Variants in OR1F1 observed in about 807,000 individuals in gnomAD.
OR1F1 encodes olfactory receptor family 1 subfamily F member 1.
For missense variants in OR1F1, 493 were observed against 376.3 expected (o/e 1.31, Z -2.57); for synonymous variants, 184 against 156.7 (o/e 1.17, Z -1.30).
chr16:3,193,161 A>C, the OR1F1 span, among the ~76,000 whole-genome samples: 15 of 152,142 alleles, frequency 9.9e-5, no homozygotes, highest in Admixed American at 9.8e-4. Flanking sequence ...TCCTGACCTC[A>C]AGTGATCCAC....
the OR1F1 span, among the ~76,000 whole-genome samples, chr16:3,197,555 A>G: frequency 8.1e-4 from 87 of 106,862 alleles, 1 homozygote; most frequent in Admixed American, 3.6e-3. Flanking sequence ...GCGCAGTCCT[A>G]CATCTGACTA....
the OR1F1 span, among the ~76,000 whole-genome samples, chr16:3,190,693 G>C: frequency 6.7e-6 from 1 of 148,666 alleles, no homozygotes; most frequent in Non-Finnish European, 1.5e-5. Flanking sequence ...GGGGGTTGCA[G>C]TGAGCTGAAA....
the OR1F1 span, among the ~76,000 whole-genome samples, chr16:3,194,915 C>G: frequency 6.6e-6 from 1 of 152,200 alleles, no homozygotes; most frequent in African/African-American, 2.4e-5. Flanking sequence ...GAGCCACCGC[C>G]CTTCTTCTGT....
At chr16:3,198,281 C>T in the OR1F1 span, among the ~76,000 whole-genome samples, 1 of 152,110 alleles carries the variant, frequency 6.6e-6, no homozygotes, top group Non-Finnish European at 1.5e-5. Context: ...TGGTGTGGTT[C>T]TAATCCGGAG....
At chr16:3,193,905 G>A in the OR1F1 span, among the ~76,000 whole-genome samples, 10 of 152,286 alleles carry the variant, frequency 6.6e-5, no homozygotes, top group Admixed American at 2.0e-4. Context: ...TCTCAGTAGG[G>A]CACGTGGTAA....
At chr16:3,192,246 T>C in the OR1F1 span, among the ~76,000 whole-genome samples, 2 of 151,974 alleles carry the variant, frequency 1.3e-5, no homozygotes, top group African/African-American at 4.8e-5. Context: ...TTAGTAGAGA[T>C]GGGGTTTCAC....
chr16:3,204,967 T>C (rs767269092), exon 1 of OR1F1: 2 of 1,614,148 alleles, frequency 1.2e-6, no homozygotes, highest in East Asian at 4.5e-5. Flanking sequence ...CTTCTCCACC[T>C]GTGGTTCTCA....
chr16:3,200,318 T>G (rs577324117), upstream of OR1F1, among the ~76,000 whole-genome samples: 4 of 151,854 alleles, frequency 2.6e-5, no homozygotes, highest in Non-Finnish European at 5.9e-5. Flanking sequence ...ACTATTAAAA[T>G]GAGGAAAAAG....
chr16:3,191,772 G>C, the OR1F1 span, among the ~76,000 whole-genome samples: 2 of 152,174 alleles, frequency 1.3e-5, no homozygotes, highest in African/African-American at 4.8e-5. Flanking sequence ...CAGGGGCAGA[G>C]GGGCGGGGGC....
chr16:3,194,614 GC>G, the OR1F1 span, among the ~76,000 whole-genome samples: 2 of 152,212 alleles, frequency 1.3e-5, no homozygotes, highest in African/African-American at 4.8e-5. Context: ...AGTGCCAAAG[GC>G]TCTTGGCACT....
At chr16:3,192,338 C>A in the OR1F1 span, among the ~76,000 whole-genome samples, 1 of 152,250 alleles carries the variant, frequency 6.6e-6, no homozygotes, top group Non-Finnish European at 1.5e-5. Flanking sequence ...CAGGCGTGAG[C>A]CACTGCGCCC....
At chr16:3,202,384 A>G (rs1033385678), upstream of OR1F1, among the ~76,000 whole-genome samples, 1 of 152,098 alleles carries the variant, frequency 6.6e-6, no homozygotes, top group Non-Finnish European at 1.5e-5. Flanking sequence ...GCTTTGCAAG[A>G]AGACACCTTG....
chr16:3,190,538 G>A, the OR1F1 span, among the ~76,000 whole-genome samples: 1 of 152,160 alleles, frequency 6.6e-6, no homozygotes, highest in Non-Finnish European at 1.5e-5. Flanking sequence ...ATCACCTGAT[G>A]TCAGGAGATT....
the OR1F1 span, among the ~76,000 whole-genome samples, chr16:3,198,370 G>T: frequency 6.6e-6 from 1 of 152,086 alleles, no homozygotes; most frequent in African/African-American, 2.4e-5. Flanking sequence ...GTGCCATCTG[G>T]CTGAGGCAAG....
the OR1F1 span, among the ~76,000 whole-genome samples, chr16:3,190,097 G>T: frequency 7.4e-4 from 113 of 152,202 alleles, no homozygotes; most frequent in African/African-American, 2.4e-3. Flanking sequence ...CACTATCCCC[G>T]GTTCTAGCAG....
the OR1F1 span, among the ~76,000 whole-genome samples, chr16:3,192,373 G>A: frequency 6.6e-6 from 1 of 152,154 alleles, no homozygotes; most frequent in Non-Finnish European, 1.5e-5. Flanking sequence ...CACTTTCAAG[G>A]GCTCAAGTCC....
the OR1F1 span, chr16:3,191,455 C>G: frequency 5.9e-5 from 9 of 152,178 alleles, no homozygotes; most frequent in African/African-American, 2.2e-4. Flanking sequence ...TTCTACTATT[C>G]TCATGCCACC....
exon 1 of OR1F1, chr16:3,205,110 C>T (rs1958189691): frequency 2.5e-6 from 4 of 1,614,076 alleles, no homozygotes; most frequent in Non-Finnish European, 2.5e-6. Flanking sequence ...TAAACCCTTT[C>T]ATCTACAGCC....
chr16:3,192,038 G>C, the OR1F1 span, among the ~76,000 whole-genome samples: 8 of 152,084 alleles, frequency 5.3e-5, no homozygotes, highest in South Asian at 2.1e-4. Flanking sequence ...GAGAGGTCCC[G>C]GGTTCAAATC....
Sources: allele counts gnomAD v4.1 joint callset (sites outside exome capture counted in the v4.1 genomes callset), GRCh38; gene constraint gnomAD v4.1.1; transcripts MANE v1.5; gene names NCBI Gene and HGNC (gene_info 2026-07-23, HGNC 2026-07-21).